CAPN5: variants seen among roughly 807,000 people sequenced by gnomAD.
CAPN5 encodes the protein calpain-5.
CAPN5 carries 54 observed loss-of-function variants against 73.0 expected under a neutral mutation model. That is an observed-to-expected ratio of 0.74 (90% CI 0.59 to 0.93). The LOEUF is 0.93. Among genes scored for constraint, CAPN5 ranks in the 40% least tolerant of loss-of-function variants. The pLI is 0.00. For synonymous variants in CAPN5, 335 were observed against 356.9 expected (o/e 0.94, Z 0.69); for missense variants, 785 against 882.9 (o/e 0.89, Z 1.41).
chr11:77,118,042 C>A, intron 7 of CAPN5, 115 bp from the exon 8 acceptor site: 1 of 920,356 alleles, frequency 1.1e-6, no homozygotes, highest in Non-Finnish European at 1.7e-6. Context: ...CTCTCAAAGC[C>A]AGCTGTGTTC....
chr11:77,070,523 G>A (rs912771858), intron 1 of CAPN5, among the ~76,000 whole-genome samples: 1 of 152,250 alleles, frequency 6.6e-6, no homozygotes, highest in African/African-American at 2.4e-5. Context: ...GCAACTCAAG[G>A]TGTAAGAACT....
At chr11:77,112,506 G>A (rs782028447) in intron 3 of CAPN5, 83 bp from the exon 4 acceptor site, 35 of 1,082,726 alleles carry the variant, frequency 3.2e-5, no homozygotes, top group Non-Finnish European at 4.7e-5. Flanking sequence ...CCGATTCGCT[G>A]GAAGCACACG....
intron 3 of CAPN5, among the ~76,000 whole-genome samples, chr11:77,106,755 G>A (rs1158195220): frequency 6.6e-6 from 1 of 152,334 alleles, no homozygotes; most frequent in Non-Finnish European, 1.5e-5. Flanking sequence ...TCAGTTATCC[G>A]TGGGTGGGGG....
At chr11:77,095,334 C>T (rs1413037260) in intron 3 of CAPN5, among the ~76,000 whole-genome samples, 1 of 152,014 alleles carries the variant, frequency 6.6e-6, no homozygotes, top group Non-Finnish European at 1.5e-5. Flanking sequence ...TTAGAGCCCA[C>T]CCCCCCACTA....
At chr11:77,083,905 T>G (rs529773230) in intron 1 of CAPN5, among the ~76,000 whole-genome samples, 113 of 152,338 alleles carry the variant, frequency 7.4e-4, no homozygotes, top group South Asian at 2.5e-3. Context: ...TTGGTTTCCC[T>G]CAGGGCTGGG....
At chr11:77,117,524 G>T (rs1435469136) in intron 7 of CAPN5, among the ~76,000 whole-genome samples, 12 of 152,226 alleles carry the variant, frequency 7.9e-5, no homozygotes, top group Non-Finnish European at 1.6e-4. Context: ...TGCCAGTCTT[G>T]CTCAGGAGTC....
chr11:77,069,471 C>A (rs1304708919), intron 1 of CAPN5, among the ~76,000 whole-genome samples: 2 of 152,142 alleles, frequency 1.3e-5, no homozygotes. Flanking sequence ...CGGGAGTGAT[C>A]TGTATCTGCC....
At chr11:77,095,661 C>T (rs1048460446) in intron 3 of CAPN5, among the ~76,000 whole-genome samples, 4 of 152,226 alleles carry the variant, frequency 2.6e-5, no homozygotes, top group Non-Finnish European at 5.9e-5. Flanking sequence ...CTCCAGTCTC[C>T]CCAGGAGAGG....
Position 77,123,778 on chromosome 11 carries a change from C to T in CAPN5, c.1831C>T (p.His611Tyr). The T allele has an allele frequency of 1.2e-6, 2 of 1,614,004 alleles. No homozygotes were observed. The highest frequency in any genetic ancestry group is 1.7e-6 in the Non-Finnish European group (2 of 1,180,010). ...CAACCTCCAGGCCCTGCATACCCTCCACCTCCGGGACCGAAATAGCCGGCA... is the reference window on the plus strand; with the variant it reads ...CAACCTCCAGGCCCTGCATACCCTCTACCTCCGGGACCGAAATAGCCGGCA... ...PDNLQALHTL[H>Y]LRDRNSRQPS... Residue 611 changes from histidine to tyrosine, a missense_variant, in exon 13 of 13, where the codon CAC (histidine) becomes TAC (tyrosine). His to Tyr is a moderately conservative substitution (Grantham distance 83, BLOSUM62 2). Coordinates refer to ENST00000648180, the MANE Select transcript of CAPN5 (RefSeq NM_004055.5).
At chr11:77,120,624 CCCTT>C in intron 9 of CAPN5, 85 bp from the exon 10 acceptor site, 1 of 788,598 alleles carries the variant, frequency 1.3e-6, no homozygotes, top group Non-Finnish European at 2.1e-6. Flanking sequence ...ATTCCATCGT[CCCTT>C]CCATGGTGGT....
Position 77,123,790 on chromosome 11 carries a change from C to T in CAPN5, c.1843C>T (p.Arg615Ter), listed in dbSNP as rs548678474. ...CCTGCATACCCTCCACCTCCGGGAC[C>T]GAAATAGCCGGCAGCCCAGCAACCT... ...QALHTLHLRD[R>*]NSRQPSNLPG... The change falls in exon 13 of 13, where the codon CGA (arginine) becomes TGA (stop). Residue 615 changes from arginine (R) to a stop codon, truncating the protein, a stop_gained. Transcript: ENST00000648180. LOFTEE classifies it high-confidence loss of function. 1.9e-6 allele frequency: 3 copies of T among 1,613,960 alleles called. No homozygotes were observed. Among genetic ancestry groups the T allele is most frequent in the South Asian group, 1.1e-5 (1 of 91,060 alleles).
chr11:77,095,449 C>T lies in CAPN5; in HGVS notation c.297+1636C>T, dbSNP rs186666341. Among the ~76,000 whole-genome samples, 591 of 152,310 alleles carry T rather than the reference C, an allele frequency of 3.9e-3. 3 individuals are homozygous for T. The highest frequency in any genetic ancestry group is 6.8e-3 in the Middle Eastern group (2 of 294). On this transcript the variant is annotated intron_variant, in intron 3 of 12. Coordinates refer to ENST00000648180, the MANE Select transcript of CAPN5 (RefSeq NM_004055.5). ...TTGCCTGTTTATCTTTCACCTCCCC[C>T]GTGAGGTGAGCTCCCCACAGGCAGA...
intron 1 of CAPN5, among the ~76,000 whole-genome samples, chr11:77,084,197 C>G (rs1342031386): frequency 1.3e-5 from 2 of 152,206 alleles, no homozygotes; most frequent in Non-Finnish European, 2.9e-5. Flanking sequence ...GTCCCTTGCA[C>G]TTGGTCAGCA....
rs1248252259 is a variant in CAPN5, at chr11:77,099,708, GGGGAGAGGGAGAGGGAGACGGAGA to G, written c.297+5926_297+5949del. Among the ~76,000 whole-genome samples the G allele has an allele frequency of 9.9e-4, 147 of 147,832 alleles. 2 individuals are homozygous for G. Among genetic ancestry groups the G allele is most frequent in the African/African-American group, 3.4e-3 (130 of 38,516 alleles). On this transcript the variant is annotated intron_variant, in intron 3 of 12. Transcript: ENST00000648180. ...CGGCTCCACATGAGAGGGAGACCGT[GGGGAGAGGGAGAGGGAGACGGAGA>G]GGGAGAGGGAGAGGGAGACGGAGAG...
intron 3 of CAPN5, among the ~76,000 whole-genome samples, chr11:77,104,334 C>T (rs1950320849): frequency 6.6e-6 from 1 of 152,182 alleles, no homozygotes; most frequent in Non-Finnish European, 1.5e-5. Flanking sequence ...TTAGAGCTTG[C>T]AGGTCAGGGA....
intron 5 of CAPN5, among the ~76,000 whole-genome samples, chr11:77,114,855 C>T (rs997425091): frequency 2.6e-5 from 4 of 151,638 alleles, no homozygotes; most frequent in Non-Finnish European, 5.9e-5. Flanking sequence ...GGTGTAAATA[C>T]TCCCACCATG....
intron 3 of CAPN5, among the ~76,000 whole-genome samples, chr11:77,098,545 C>CG (rs1950242030): frequency 1.2e-5 from 1 of 83,606 alleles, no homozygotes; most frequent in Non-Finnish European, 2.4e-5. Flanking sequence ...GCTGGCCGGG[C>CG]GGGGGGCTGA....
chr11:77,097,315 C>T (rs1321163629), intron 3 of CAPN5, among the ~76,000 whole-genome samples: 3 of 152,098 alleles, frequency 2.0e-5, no homozygotes, highest in Non-Finnish European at 4.4e-5. Flanking sequence ...TCCCTTAGTG[C>T]ACATGGATGG....
In CAPN5 at chr11:77,092,164, A is replaced by G. The variant is rs142170274; in HGVS notation, c.166-1518A>G. On this transcript the variant is annotated intron_variant, in intron 2 of 12. Coordinates refer to ENST00000648180, the MANE Select transcript of CAPN5 (RefSeq NM_004055.5). ...AGCCTAGGAGGTTGAGGCTGCAGTGAGCTGTGATTGTGACTGCACTCCAGT... is the reference window on the plus strand; with the variant it reads ...AGCCTAGGAGGTTGAGGCTGCAGTGGGCTGTGATTGTGACTGCACTCCAGT... 6.5e-3 allele frequency among the ~76,000 whole-genome samples: 996 copies of G among 152,324 alleles called. 8 individuals carry two copies. The highest frequency in any genetic ancestry group is 0.021 in the African/African-American group (884 of 41,578).
Sources: allele counts gnomAD v4.1 joint callset (sites outside exome capture counted in the v4.1 genomes callset), GRCh38; gene constraint gnomAD v4.1.1; transcripts MANE v1.5; gene names NCBI Gene and HGNC (gene_info 2026-07-23, HGNC 2026-07-21).